CHSY3: variants seen among roughly 807,000 people sequenced by gnomAD.
The protein encoded by CHSY3 is chondroitin sulfate synthase 3, also known as N-acetylgalactosaminyl-proteoglycan 3-beta-glucuronosyltransferase 3.
A neutral mutation model predicts 67.2 loss-of-function variants in CHSY3; 35 were observed. That is an observed-to-expected ratio of 0.52 (90% CI 0.40 to 0.69). The LOEUF (loss-of-function observed/expected upper bound fraction) is 0.69, where lower values mean the gene tolerates loss of function less well. Among genes scored for constraint, CHSY3 ranks in the 30% least tolerant of loss-of-function variants. CHSY3 has a pLI of 0.00. For synonymous variants in CHSY3, 474 were observed against 434.7 expected (o/e 1.09, Z -1.12); for missense variants, 1,069 against 1,138.5 (o/e 0.94, Z 0.88).
chr5:130,025,581 A>C (rs1422362961), intron 2 of CHSY3, among the ~76,000 whole-genome samples: 1 of 152,018 alleles, frequency 6.6e-6, no homozygotes, highest in Non-Finnish European at 1.5e-5. Context: ...TAAACAACCA[A>C]AATTTATTTC....
At chr5:130,127,664 G>A (rs55828044) in intron 2 of CHSY3, among the ~76,000 whole-genome samples, 29,485 of 152,038 alleles carry the variant, frequency 0.19, 3,606 homozygotes, top group African/African-American at 0.32. Context: ...CAGTCACAAA[G>A]GTAATAAGAA....
chr5:130,179,286 C>A (rs1166104259), intron 2 of CHSY3, among the ~76,000 whole-genome samples: 1 of 152,142 alleles, frequency 6.6e-6, no homozygotes, highest in African/African-American at 2.4e-5. Flanking sequence ...CCTTTTATTT[C>A]AATAACAGTT....
chr5:130,178,201 TTATA>T (rs141612012), intron 2 of CHSY3, among the ~76,000 whole-genome samples: 1 of 113,936 alleles, frequency 8.8e-6, no homozygotes, highest in African/African-American at 3.6e-5. Flanking sequence ...ATATATATAT[TTATA>T]TATATATGTA....
chr5:130,144,914 C>T (rs562875039), intron 2 of CHSY3, among the ~76,000 whole-genome samples: 6 of 152,250 alleles, frequency 3.9e-5, no homozygotes, highest in Non-Finnish European at 8.8e-5. Flanking sequence ...CTGGCATTTG[C>T]TTGGCTTCTG....
At chr5:130,021,072 G>A (rs969629173) in intron 2 of CHSY3, among the ~76,000 whole-genome samples, 4 of 152,042 alleles carry the variant, frequency 2.6e-5, no homozygotes, top group Admixed American at 2.6e-4. Flanking sequence ...TTGGAGATGG[G>A]ACCTCTGTTT....
At chr5:130,120,766 A>AAG (rs201808496) in intron 2 of CHSY3, among the ~76,000 whole-genome samples, 1 of 152,152 alleles carries the variant, frequency 6.6e-6, no homozygotes, top group African/African-American at 2.4e-5. Flanking sequence ...AAAAACAAAA[A>AAG]AGAGAGAGAG....
chr5:130,092,220 C>G (rs745766429), intron 2 of CHSY3, among the ~76,000 whole-genome samples: 12 of 152,156 alleles, frequency 7.9e-5, no homozygotes, highest in Admixed American at 5.9e-4. Context: ...CTAAATTCCT[C>G]ATGTGTGACA....
intron 2 of CHSY3, among the ~76,000 whole-genome samples, chr5:129,909,818 G>A (rs1462744129): frequency 5.3e-5 from 8 of 151,848 alleles, no homozygotes. Flanking sequence ...TACTTTGCAT[G>A]GATAAGTAAA....
At chr5:130,117,159 C>T (rs1248196895) in intron 2 of CHSY3, among the ~76,000 whole-genome samples, 1 of 152,160 alleles carries the variant, frequency 6.6e-6, no homozygotes, top group South Asian at 2.1e-4. Context: ...TTTGGACCAG[C>T]AGGGTCTGGG....
rs143427398 is a variant in CHSY3, at chr5:130,047,203, C to A, written c.1087-137026C>A. 5.9e-5 allele frequency among the ~76,000 whole-genome samples: 9 copies of A among 152,026 alleles called. No individual in the cohort carries two copies. The East Asian group carries it at 1.7e-3, about 29-fold the overall frequency. On this transcript the variant is annotated intron_variant, in intron 2 of 2. Coordinates refer to ENST00000305031, the MANE Select transcript of CHSY3 (RefSeq NM_175856.5). ...GGGAAAATAAAAATAAAAAGAGGAACTATTTTCTTCATATTCAATAATGTA... is the reference window on the plus strand; with the variant it reads ...GGGAAAATAAAAATAAAAAGAGGAAATATTTTCTTCATATTCAATAATGTA...
intron 2 of CHSY3, among the ~76,000 whole-genome samples, chr5:129,958,988 AGTTT>A (rs1762254726): frequency 6.6e-6 from 1 of 152,166 alleles, no homozygotes; most frequent in Admixed American, 6.6e-5. Flanking sequence ...ATATTAATCT[AGTTT>A]GTTAGCTAAA....
intron 2 of CHSY3, among the ~76,000 whole-genome samples, chr5:130,164,705 T>C (rs1327561099): frequency 2.0e-5 from 3 of 152,076 alleles, no homozygotes; most frequent in Non-Finnish European, 1.5e-5. Flanking sequence ...GCACTGGAGA[T>C]AGAATGGTGA....
intron 2 of CHSY3, among the ~76,000 whole-genome samples, chr5:130,120,446 C>G (rs1022925602): frequency 5.3e-5 from 7 of 133,274 alleles, no homozygotes; most frequent in South Asian, 2.4e-4. Context: ...ATCAATCTCT[C>G]AAACAGACAG....
rs530866933 is a variant in CHSY3, at chr5:130,069,680, C to G, written c.1087-114549C>G. Among the ~76,000 whole-genome samples the G allele has an allele frequency of 2.0e-5, 3 of 152,040 alleles. 1 individual carries two copies. The East Asian group carries it at 5.8e-4, about 29-fold the overall frequency. On this transcript the variant is annotated intron_variant, in intron 2 of 2. Coordinates refer to ENST00000305031, the MANE Select transcript of CHSY3 (RefSeq NM_175856.5). ...TTATATCATATATGATTTGAATCTTCACTATCGCTATTTTTATTGGATTGA... is the reference window on the plus strand; with the variant it reads ...TTATATCATATATGATTTGAATCTTGACTATCGCTATTTTTATTGGATTGA...
intron 2 of CHSY3, among the ~76,000 whole-genome samples, chr5:130,024,823 G>A (rs1001300912): frequency 6.6e-6 from 1 of 152,106 alleles, no homozygotes; most frequent in African/African-American, 2.4e-5. Flanking sequence ...ATAAACTTAT[G>A]TTGGTAATAG....
chr5:130,027,741 G>A (rs943214060), intron 2 of CHSY3, among the ~76,000 whole-genome samples: 8 of 151,786 alleles, frequency 5.3e-5, no homozygotes, highest in Non-Finnish European at 1.0e-4. Flanking sequence ...TTGTTCTTGC[G>A]ATAGTTTGCT....
rs1318237428 is a variant in CHSY3 at position 130,047,551 on chromosome 5, G to A, written c.1087-136678G>A. ...CCCTTATTTATCCAGAATTTTCCTG[G>A]ACCAGATTTCTCCTCTATATAATAG... On this transcript the variant is annotated intron_variant, in intron 2 of 2. Coordinates refer to ENST00000305031, the MANE Select transcript of CHSY3 (RefSeq NM_175856.5). 3.9e-5 allele frequency among the ~76,000 whole-genome samples: 6 copies of A among 151,990 alleles called. No individual in the cohort carries two copies. In the East Asian group the frequency reaches 1.2e-3, roughly 29 times the overall value.
chr5:130,153,819 G>GT (rs1047224990), intron 2 of CHSY3, among the ~76,000 whole-genome samples: 35 of 151,778 alleles, frequency 2.3e-4, no homozygotes, highest in African/African-American at 8.5e-4. Context: ...TTTGTTTTTC[G>GT]TTTTTTTGTT....
intron 2 of CHSY3, among the ~76,000 whole-genome samples, chr5:130,183,383 C>T (rs1442924901): frequency 6.6e-6 from 1 of 151,810 alleles, no homozygotes; most frequent in African/African-American, 2.4e-5. Context: ...GTATAGTTTC[C>T]GTTTCACCTT....
Sources: gnomAD v4.1 joint callset for allele counts (sites outside exome capture counted in the v4.1 genomes callset) on GRCh38, gnomAD v4.1.1 for gene constraint, MANE v1.5 for transcripts, NCBI Gene and HGNC (gene_info 2026-07-23, HGNC 2026-07-21) for gene names.